GULP1: variants seen among roughly 807,000 people sequenced by gnomAD.
GULP1 encodes the protein GULP PTB domain containing engulfment adaptor 1.
A neutral mutation model predicts 40.9 loss-of-function variants in GULP1; 19 were observed. The observed-to-expected ratio is 0.46, with a 90% CI of 0.32 to 0.68. The LOEUF is 0.68. Ranked by LOEUF, GULP1 falls within the 30% of genes least tolerant of loss-of-function variation. The probability of loss-of-function intolerance (pLI) is 0.03; values close to 1 mark genes in which losing one functional copy is unlikely to be tolerated. For missense variants in GULP1, 312 were observed against 362.2 expected (o/e 0.86, Z 1.12); for synonymous variants, 119 against 117.6 (o/e 1.01, Z -0.08).
chr2:188,567,944 A>G lies in GULP1; in HGVS notation c.400-1295A>G, dbSNP rs567046365. The stretch of plus-strand genomic sequence containing the variant: ...TAACACAACCAATTAGTTTAAGTCA[A>G]TGAACATGCATACATTGGTATCTGT... On this transcript the variant is annotated intron_variant, in intron 7 of 11. Coordinates refer to ENST00000409830, the MANE Select transcript of GULP1 (RefSeq NM_016315.4). Among the ~76,000 whole-genome samples, 539 of 152,284 alleles carry G rather than the reference A, an allele frequency of 3.5e-3. 5 individuals carry two copies. Among genetic ancestry groups the G allele is most frequent in the South Asian group, 0.019 (90 of 4,828 alleles).
At chr2:188,326,671 A>G (rs2040809639) in intron 1 of GULP1, among the ~76,000 whole-genome samples, 1 of 152,096 alleles carries the variant, frequency 6.6e-6, no homozygotes, top group East Asian at 1.9e-4. Flanking sequence ...ATATAGTTTT[A>G]TTTATTCTTC....
chr2:188,332,011 G>C (rs913974059), intron 1 of GULP1, among the ~76,000 whole-genome samples: 1 of 152,090 alleles, frequency 6.6e-6, no homozygotes, highest in Non-Finnish European at 1.5e-5. Context: ...AAGGATGACA[G>C]AGATGTAGCT....
chr2:188,560,776 T>G (rs1011941670), intron 7 of GULP1, among the ~76,000 whole-genome samples: 5 of 152,164 alleles, frequency 3.3e-5, no homozygotes, highest in Non-Finnish European at 5.9e-5. Context: ...GGTGCAGCCA[T>G]GGCTTACATG....
At chr2:188,322,403 A>G (rs1298275621) in intron 1 of GULP1, among the ~76,000 whole-genome samples, 1 of 152,090 alleles carries the variant, frequency 6.6e-6, no homozygotes, top group African/African-American at 2.4e-5. Context: ...TTCTCATGGC[A>G]TGAACTTTGT....
At chr2:188,373,155 G>A (rs1175280478) in intron 1 of GULP1, among the ~76,000 whole-genome samples, 3 of 151,800 alleles carry the variant, frequency 2.0e-5, no homozygotes, top group African/African-American at 7.2e-5. Context: ...TCTGTTTGAA[G>A]TGGGAACTAA....
intron 7 of GULP1, among the ~76,000 whole-genome samples, chr2:188,546,580 T>G (rs11685643): frequency 0.034 from 5,185 of 152,084 alleles, 147 homozygotes; most frequent in African/African-American, 0.081. Context: ...AAGAAAGAAA[T>G]CTGTAACTAA....
intron 7 of GULP1, among the ~76,000 whole-genome samples, chr2:188,547,149 C>T (rs1445489265): frequency 6.6e-6 from 1 of 151,532 alleles, no homozygotes; most frequent in Non-Finnish European, 1.5e-5. Context: ...TCTATACAAT[C>T]CATTCCAGTG....
intron 5 of GULP1, among the ~76,000 whole-genome samples, chr2:188,526,025 A>G (rs1686079643): frequency 6.6e-6 from 1 of 152,214 alleles, no homozygotes; most frequent in African/African-American, 2.4e-5. Context: ...TTTATTGCCT[A>G]ACACTCTATA....
At position 188,445,263 on chromosome 2, in the gene GULP1, A is replaced by C. The variant is rs372641271; in HGVS notation, c.-44-32396A>C. Among the ~76,000 whole-genome samples, 33 of 152,246 alleles carry C rather than the reference A, an allele frequency of 2.2e-4. 1 individual carries two copies. The highest frequency in any genetic ancestry group is 7.9e-4 in the African/African-American group (33 of 41,558). ...TATCTAGGTCCCTAGATAAATGAAA[A>C]TTATAGTAGAAACAAATGAGGAATT... On this transcript the variant is annotated intron_variant, in intron 2 of 11. Coordinates refer to ENST00000409830, the MANE Select transcript of GULP1 (RefSeq NM_016315.4).
At chr2:188,414,034 T>C (rs2054247279) in intron 2 of GULP1, among the ~76,000 whole-genome samples, 1 of 151,942 alleles carries the variant, frequency 6.6e-6, no homozygotes. Context: ...CGGACCAACA[T>C]GGTGAAACCC....
At chr2:188,300,551 A>G (rs1357639551) in intron 1 of GULP1, among the ~76,000 whole-genome samples, 2 of 152,170 alleles carry the variant, frequency 1.3e-5, no homozygotes, top group Non-Finnish European at 2.9e-5. Flanking sequence ...ACAAATTACT[A>G]TCTTATGAAG....
intron 2 of GULP1, among the ~76,000 whole-genome samples, chr2:188,409,928 C>T (rs943359002): frequency 6.6e-6 from 1 of 152,162 alleles, no homozygotes; most frequent in Non-Finnish European, 1.5e-5. Flanking sequence ...CTGGAAGCAT[C>T]ACACTACCTG....
intron 3 of GULP1, among the ~76,000 whole-genome samples, chr2:188,479,734 G>C (rs2153045380): frequency 6.6e-6 from 1 of 152,126 alleles, no homozygotes; most frequent in South Asian, 2.1e-4. Flanking sequence ...CTCCACATCT[G>C]TAATTTACTG....
intron 2 of GULP1, among the ~76,000 whole-genome samples, chr2:188,470,881 C>G (rs2153005016): frequency 6.6e-6 from 1 of 152,238 alleles, no homozygotes; most frequent in African/African-American, 2.4e-5. Context: ...AATGTGTATT[C>G]TGCAATCACT....
At chr2:188,587,777 TAA>T (rs1403375950) in intron 10 of GULP1, 76 bp from the exon 11 acceptor site, 1 of 776,950 alleles carries the variant, frequency 1.3e-6, no homozygotes, top group Admixed American at 2.1e-5. Context: ...TTCATTTATA[TAA>T]TCCTGCCTTT....
intron 7 of GULP1, among the ~76,000 whole-genome samples, chr2:188,543,781 T>C (rs186602008): frequency 3.9e-5 from 6 of 152,316 alleles, no homozygotes; most frequent in Non-Finnish European, 7.4e-5. Context: ...CTCATCATGC[T>C]ATATTACTCC....
At chr2:188,551,854 T>C (rs1288464362) in intron 7 of GULP1, among the ~76,000 whole-genome samples, 1 of 151,886 alleles carries the variant, frequency 6.6e-6, no homozygotes, top group Admixed American at 6.6e-5. Flanking sequence ...TTTGTCTTTT[T>C]GACAATAGCC....
intron 1 of GULP1, among the ~76,000 whole-genome samples, chr2:188,370,631 G>C (rs761315043): frequency 5.9e-4 from 90 of 152,186 alleles, no homozygotes; most frequent in Non-Finnish European, 1.1e-3. Flanking sequence ...GTTGACGTCT[G>C]TAAGTATTTG....
chr2:188,378,210 C>A (rs1357606842), intron 1 of GULP1, among the ~76,000 whole-genome samples: 3 of 151,368 alleles, frequency 2.0e-5, no homozygotes, highest in African/African-American at 4.9e-5. Flanking sequence ...ACTTTCCAGG[C>A]CAGCTACAGT....
Sources: allele counts gnomAD v4.1 joint callset (sites outside exome capture counted in the v4.1 genomes callset), GRCh38; gene constraint gnomAD v4.1.1; transcripts MANE v1.5; gene names NCBI Gene and HGNC (gene_info 2026-07-23, HGNC 2026-07-21).